The following TTC1 variants were observed in gnomAD, a reference collection of about 807,000 sequenced individuals.
The protein encoded by TTC1 is tetratricopeptide repeat domain 1.
TTC1 carries 31 observed loss-of-function variants against 37.6 expected under a neutral mutation model. The ratio of observed to expected loss-of-function variants is 0.82; its 90% confidence interval spans 0.62 to 1.11. The LOEUF (loss-of-function observed/expected upper bound fraction) is 1.11. TTC1 is among the 50% of genes most tolerant of loss of function. The pLI is 0.00. For missense variants in TTC1, 351 were observed against 339.0 expected (o/e 1.04, Z -0.28); for synonymous variants, 127 against 122.4 (o/e 1.04, Z -0.25).
chr5:160,028,769 T>C (rs1285613449), intron 2 of TTC1, among the ~76,000 whole-genome samples: 3 of 152,254 alleles, frequency 2.0e-5, no homozygotes, highest in South Asian at 4.2e-4. Flanking sequence ...CTACTGCCCC[T>C]GGCCTGCCCA....
In TTC1 at chr5:160,010,282, A is replaced by C. The variant is rs553692832; in HGVS notation, c.-29-218A>C. 2.4e-4 allele frequency among the ~76,000 whole-genome samples: 37 copies of C among 151,222 alleles called. 1 individual carries two copies. The South Asian group carries it at 7.7e-3, about 31-fold the overall frequency. ...CAAAAAAAAAAAAAAAAAAAAAAGAATCTGGTACCAGATTTGACCAGAAAA... is the reference window on the plus strand; with the variant it reads ...CAAAAAAAAAAAAAAAAAAAAAAGACTCTGGTACCAGATTTGACCAGAAAA... On this transcript the variant is annotated intron_variant, in intron 1 of 7. Transcript: ENST00000231238.
intron 7 of TTC1, among the ~76,000 whole-genome samples, chr5:160,053,481 T>G (rs1757463897): frequency 6.6e-6 from 1 of 152,110 alleles, no homozygotes; most frequent in South Asian, 2.1e-4. Context: ...GGAGGATCAC[T>G]TGAGCCCAGG....
intron 5 of TTC1, among the ~76,000 whole-genome samples, chr5:160,046,314 A>C (rs1443569267): frequency 6.6e-6 from 1 of 152,158 alleles, no homozygotes. Flanking sequence ...CCTGCATTTA[A>C]TACAGTTTAT....
intron 2 of TTC1, among the ~76,000 whole-genome samples, chr5:160,014,316 C>T (rs566004654): frequency 6.6e-6 from 1 of 151,934 alleles, no homozygotes; most frequent in Admixed American, 6.6e-5. Flanking sequence ...CGAGATTGGG[C>T]CATTGCACTC....
chr5:160,030,917 G>C (rs1756897627), intron 2 of TTC1, among the ~76,000 whole-genome samples: 1 of 152,168 alleles, frequency 6.6e-6, no homozygotes, highest in African/African-American at 2.4e-5. Context: ...TCCTCTGATA[G>C]TGCTGCAGAA....
intron 6 of TTC1, among the ~76,000 whole-genome samples, chr5:160,050,782 C>A (rs1057126077): frequency 1.3e-5 from 2 of 151,900 alleles, no homozygotes; most frequent in Non-Finnish European, 2.9e-5. Flanking sequence ...CATGCCAACA[C>A]ACCCAGCTAA....
In TTC1 at chr5:160,040,088, A is replaced by C. The variant is rs1429341954; in HGVS notation, c.505-3045A>C. Among the ~76,000 whole-genome samples, 3 of 152,160 alleles carry C rather than the reference A, an allele frequency of 2.0e-5. No homozygotes were observed. In the East Asian group the frequency reaches 5.8e-4, roughly 29 times the overall value. On this transcript the variant is annotated intron_variant, in intron 4 of 7. Coordinates refer to ENST00000231238, the MANE Select transcript of TTC1 (RefSeq NM_003314.3). ...CTACACACCTAAGCTATATGGTATA[A>C]CCTATTGCTCCTGGGCTACAAACCT...
chr5:160,016,645 T>C (rs1561624932), intron 2 of TTC1, among the ~76,000 whole-genome samples: 3 of 152,208 alleles, frequency 2.0e-5, no homozygotes, highest in Non-Finnish European at 2.9e-5. Context: ...GCTTTTTTTT[T>C]CAGTAAGCCT....
chr5:160,037,297 A>G (rs1757013422), intron 4 of TTC1, among the ~76,000 whole-genome samples: 1 of 152,246 alleles, frequency 6.6e-6, no homozygotes, highest in Non-Finnish European at 1.5e-5. Flanking sequence ...CTTAAATGCA[A>G]AATAGGTGTC....
intron 5 of TTC1, among the ~76,000 whole-genome samples, chr5:160,043,789 T>C (rs1757145038): frequency 6.6e-6 from 1 of 152,216 alleles, no homozygotes; most frequent in Non-Finnish European, 1.5e-5. Context: ...TTGATAGTCT[T>C]TTCAAGTGTC....
intron 6 of TTC1, among the ~76,000 whole-genome samples, chr5:160,050,910 G>A (rs1561637551): frequency 6.6e-6 from 1 of 151,670 alleles, no homozygotes; most frequent in Non-Finnish European, 1.5e-5. Context: ...ATGGGCAGGA[G>A]TCACTGCACC....
At chr5:160,022,831 A>G (rs529651091) in intron 2 of TTC1, among the ~76,000 whole-genome samples, 28 of 152,338 alleles carry the variant, frequency 1.8e-4, no homozygotes, top group Middle Eastern at 3.4e-3. Context: ...TTCAGAAAGG[A>G]CACTTGTAAT....
chr5:160,041,555 C>T (rs191498215), intron 4 of TTC1, among the ~76,000 whole-genome samples: 9 of 152,052 alleles, frequency 5.9e-5, no homozygotes, highest in Admixed American at 5.2e-4. Context: ...TCAGGTGATC[C>T]GCCCACCTTG....
rs557625398 is a variant in TTC1, at chr5:160,016,403, A to T, written c.330+5545A>T. Among the ~76,000 whole-genome samples the T allele has an allele frequency of 3.8e-3, 584 of 152,284 alleles. 6 individuals carry two copies. Among genetic ancestry groups the T allele is most frequent in the African/African-American group, 0.013 (548 of 41,556 alleles). ...AATAAATAAATAAATAATTTAAAAA[A>T]TTTTTTTAAAAAGATGAATCGTAGG... On this transcript the variant is annotated intron_variant, in intron 2 of 7. Coordinates refer to ENST00000231238, the MANE Select transcript of TTC1 (RefSeq NM_003314.3).
intron 7 of TTC1, among the ~76,000 whole-genome samples, chr5:160,063,123 G>C (rs920618709): frequency 6.6e-6 from 1 of 152,228 alleles, no homozygotes; most frequent in Admixed American, 6.5e-5. Flanking sequence ...TTTATCCAAA[G>C]ATGGGTTGGC....
chr5:160,036,640 A>G, intron 3 of TTC1, 51 bp from the exon 4 acceptor site: 5 of 1,206,286 alleles, frequency 4.1e-6, no homozygotes, highest in Non-Finnish European at 6.2e-6. Flanking sequence ...GGAATATAGT[A>G]GTATCAGGAA....
intron 2 of TTC1, chr5:160,023,862 T>G (rs1756757235): frequency 6.2e-7 from 1 of 1,611,528 alleles, no homozygotes; most frequent in Admixed American, 1.7e-5. Context: ...TTCTTTTTCT[T>G]CTCCTCCTTT....
At chr5:160,035,004 GTT>G (rs1457995166) in intron 2 of TTC1, 134 bp from the exon 3 acceptor site, 2 of 611,942 alleles carry the variant, frequency 3.3e-6, no homozygotes, top group Non-Finnish European at 5.2e-6. Flanking sequence ...ACTGTACAAG[GTT>G]TTGGTGAAAC....
At chr5:160,029,760 A>G (rs1403330341) in intron 2 of TTC1, among the ~76,000 whole-genome samples, 1 of 152,266 alleles carries the variant, frequency 6.6e-6, no homozygotes, top group Non-Finnish European at 1.5e-5. Flanking sequence ...CACCTGGAAT[A>G]TTATGTAAAC....
Sources: gnomAD v4.1 joint callset for allele counts (sites outside exome capture counted in the v4.1 genomes callset) on GRCh38, gnomAD v4.1.1 for gene constraint, MANE v1.5 for transcripts, NCBI Gene and HGNC (gene_info 2026-07-23, HGNC 2026-07-21) for gene names.